The following NDUFAF7 variants were observed in gnomAD, a reference collection of about 807,000 sequenced individuals.
The protein encoded by NDUFAF7 is protein arginine methyltransferase NDUFAF7, mitochondrial.
Under a neutral mutation model 47.2 loss-of-function variants are expected in NDUFAF7, and 48 were observed. That is an observed-to-expected ratio of 1.02 (90% CI 0.81 to 1.29). The LOEUF (loss-of-function observed/expected upper bound fraction) is 1.29. Ranked by LOEUF, NDUFAF7 falls within the 50% of genes most tolerant of loss-of-function variation. The pLI, the probability that NDUFAF7 is intolerant of heterozygous loss-of-function variation, is 0.00. For missense variants in NDUFAF7, 635 were observed against 537.6 expected (o/e 1.18, Z -1.79); for synonymous variants, 217 against 190.0 (o/e 1.14, Z -1.17).
At chr2:37,271,337 C>A in the NDUFAF7 span, among the ~76,000 whole-genome samples, 2 of 152,156 alleles carry the variant, frequency 1.3e-5, no homozygotes, top group East Asian at 3.9e-4. Flanking sequence ...AATGACTGGA[C>A]AAATCAAAAT....
chr2:37,260,333 C>CCAT, the NDUFAF7 span: 1 of 1,610,618 alleles, frequency 6.2e-7, no homozygotes, highest in South Asian at 1.1e-5. Context: ...AAGACTCGTT[C>CCAT]TGGGGTTTCA....
At chr2:37,234,880 T>C (rs768182509) in intron 2 of NDUFAF7, among the ~76,000 whole-genome samples, 1 of 152,186 alleles carries the variant, frequency 6.6e-6, no homozygotes, top group African/African-American at 2.4e-5. Flanking sequence ...TTTTATAACA[T>C]TCTTTAATTC....
intron 2 of NDUFAF7, 58 bp downstream of exon 2, chr2:37,232,324 C>G (rs1665248153): frequency 3.7e-6 from 6 of 1,602,802 alleles, no homozygotes; most frequent in Admixed American, 3.3e-5. Flanking sequence ...GAGGTGCAAG[C>G]CAGGAGGGAG....
chr2:37,242,641 G>C lies in NDUFAF7; in HGVS notation c.629G>C (p.Ser210Thr). ...TTTTCCTCTTTTTAAATAGGGTACA[G>C]CTTTTATCTTGCACATGAATTTTTT... ...RDLHDVPKGY[S>T]FYLAHEFFDV... is the part of the protein sequence containing the mutation. The change falls in exon 6 of 10, where the codon AGC (serine) becomes ACC (threonine). Residue 210 changes from serine to threonine, a missense_variant. Transcript: ENST00000002125. The C allele has an allele frequency of 2.5e-6, 4 of 1,594,640 alleles. No individual in the cohort carries two copies. Among genetic ancestry groups the C allele is most frequent in the Non-Finnish European group, 3.4e-6 (4 of 1,162,832 alleles).
At chr2:37,235,334 C>A (rs559369572) in intron 2 of NDUFAF7, among the ~76,000 whole-genome samples, 1 of 152,128 alleles carries the variant, frequency 6.6e-6, no homozygotes, top group Admixed American at 6.5e-5. Context: ...GTTTACAGCT[C>A]AATGAATTTT....
intron 4 of NDUFAF7, among the ~76,000 whole-genome samples, chr2:37,238,683 C>G (rs1294928582): frequency 6.6e-6 from 1 of 151,634 alleles, no homozygotes; most frequent in Non-Finnish European, 1.5e-5. Context: ...TACAAATAAA[C>G]TAGCAGCTTT....
intron 8 of NDUFAF7, 47 bp downstream of exon 8, chr2:37,246,242 T>G: frequency 6.2e-7 from 1 of 1,603,704 alleles, no homozygotes; most frequent in Non-Finnish European, 8.5e-7. Flanking sequence ...CAGTGTTAGA[T>G]CTGAAGCCCA....
chr2:37,234,049 A>AT (rs1199101069), intron 2 of NDUFAF7, among the ~76,000 whole-genome samples: 2 of 152,038 alleles, frequency 1.3e-5, no homozygotes, highest in Admixed American at 1.3e-4. Context: ...TTACTTCAAA[A>AT]TTTTGTTAAT....
chr2:37,270,545 A>G, the NDUFAF7 span, among the ~76,000 whole-genome samples: 6 of 152,062 alleles, frequency 3.9e-5, no homozygotes, highest in African/African-American at 1.4e-4. Context: ...AACAGAACTA[A>G]TATACTAATT....
chr2:37,253,353 A>G (rs1667664843), downstream of NDUFAF7: 1 of 1,596,680 alleles, frequency 6.3e-7, no homozygotes, highest in Non-Finnish European at 8.5e-7. Context: ...TGATAGTCCT[A>G]GGAGAAAATG....
chr2:37,247,384 C>G, intron 8 of NDUFAF7, 72 bp from the exon 9 acceptor site: 1 of 1,515,454 alleles, frequency 6.6e-7, no homozygotes, highest in Non-Finnish European at 9.1e-7. Flanking sequence ...TATTAAATAA[C>G]TTTAATATGA....
chr2:37,260,149 G>GT, the NDUFAF7 span: 86 of 1,342,842 alleles, frequency 6.4e-5, no homozygotes, highest in Non-Finnish European at 8.7e-5. Context: ...AGGTGACAGA[G>GT]TAAGACTCTT....
At chr2:37,258,978 G>A in the NDUFAF7 span, among the ~76,000 whole-genome samples, 96 of 151,944 alleles carry the variant, frequency 6.3e-4, 1 homozygote, top group African/African-American at 2.2e-3. Flanking sequence ...TCTCAGGATG[G>A]TTGTTTCAGA....
the NDUFAF7 span, among the ~76,000 whole-genome samples, chr2:37,265,494 C>CACACACACACACAA: frequency 1.3e-5 from 2 of 151,970 alleles, no homozygotes; most frequent in African/African-American, 4.8e-5. Flanking sequence ...ATACTACACA[C>CACACACACACACAA]ACACACACAC....
chr2:37,268,053 C>T, the NDUFAF7 span: 1 of 194,566 alleles, frequency 5.1e-6, no homozygotes. Flanking sequence ...ACAGTCATTC[C>T]CTCATTTATT....
At chr2:37,263,593 C>T in the NDUFAF7 span, among the ~76,000 whole-genome samples, 1 of 152,278 alleles carries the variant, frequency 6.6e-6, no homozygotes, top group Admixed American at 6.5e-5. Context: ...TTTCACTCTT[C>T]CACTGTTAAA....
chr2:37,249,643 G>GAC (rs56208997), downstream of NDUFAF7, among the ~76,000 whole-genome samples: 4,772 of 132,586 alleles, frequency 0.036, 118 homozygotes, highest in African/African-American at 0.055. Context: ...CTGTGATAGA[G>GAC]ACACACACAC....
At chr2:37,263,910 C>T in the NDUFAF7 span, among the ~76,000 whole-genome samples, 18 of 152,122 alleles carry the variant, frequency 1.2e-4, no homozygotes, top group African/African-American at 3.4e-4. Flanking sequence ...AAGATGAGAA[C>T]GGGAAAATGC....
rs748504954 is a variant in NDUFAF7, at chr2:37,248,317, T to G, written c.1293T>G (p.Val431=). 6.2e-7 allele frequency: 1 copy of G among 1,613,998 alleles called. No homozygotes were observed. Among genetic ancestry groups the G allele is most frequent in the African/African-American group, 1.3e-5 (1 of 74,914 alleles). The part of the protein sequence containing the change: ...NARQSKPFAS[V]VAGFSELAWQ ...GTCAGTCAAAACCCTTTGCATCCGT[T>G]GTAGCTGGGTTTAGTGAACTTGCTT... The change falls in exon 10 of 10, where the codon GTT becomes GTG. Residue 431 remains valine (V), a synonymous_variant. Transcript: ENST00000002125.
Sources: gnomAD v4.1 joint callset for allele counts (sites outside exome capture counted in the v4.1 genomes callset) on GRCh38, gnomAD v4.1.1 for gene constraint, MANE v1.5 for transcripts, NCBI Gene and HGNC (gene_info 2026-07-23, HGNC 2026-07-21) for gene names.